RBL2: variants seen among roughly 807,000 people sequenced by gnomAD.
RBL2 encodes the protein RB transcriptional corepressor like 2, also known as retinoblastoma-like protein 2.
In RBL2, 56 loss-of-function variants were observed where a neutral mutation model predicts 126.0. The observed-to-expected ratio is 0.44, with a 90% CI of 0.36 to 0.56. RBL2 has a LOEUF of 0.56. Among genes scored for constraint, RBL2 ranks in the 20% least tolerant of loss-of-function variants. The pLI is 0.00. For missense variants in RBL2, 1,229 were observed against 1,398.2 expected (o/e 0.88, Z 1.93); for synonymous variants, 454 against 478.5 (o/e 0.95, Z 0.67).
At chr16:53,440,169 G>T (rs976693795) in intron 2 of RBL2, among the ~76,000 whole-genome samples, 1 of 151,804 alleles carries the variant, frequency 6.6e-6, no homozygotes, top group Non-Finnish European at 1.5e-5. Context: ...GGTGACATGC[G>T]CCTGTAATCT....
chr16:53,469,282 T>C (rs972968245), intron 14 of RBL2, among the ~76,000 whole-genome samples: 2 of 152,188 alleles, frequency 1.3e-5, no homozygotes, highest in Non-Finnish European at 2.9e-5. Flanking sequence ...ATTGTATAAT[T>C]TAAGTAGATG....
At chr16:53,480,280 C>T (rs563516991) in intron 19 of RBL2, 2 of 517,856 alleles carry the variant, frequency 3.9e-6, no homozygotes, top group East Asian at 3.3e-5. Flanking sequence ...ATGGAAATAC[C>T]ATCCCCTGCC....
At chr16:53,450,059 T>C (rs1423970719) in intron 4 of RBL2, among the ~76,000 whole-genome samples, 3 of 151,200 alleles carry the variant, frequency 2.0e-5, no homozygotes, top group Non-Finnish European at 4.4e-5. Flanking sequence ...CAGTAGGTGC[T>C]ACTTACTTCC....
chr16:53,467,037 T>G, intron 13 of RBL2, 21 bp from the exon 14 acceptor site: 7 of 1,572,600 alleles, frequency 4.5e-6, no homozygotes, highest in Non-Finnish European at 6.1e-6. Context: ...ACTGGCATTC[T>G]GTGTAACCAA....
Position 53,479,167 on chromosome 16 carries a change from A to G in RBL2, c.2717A>G (p.Asp906Gly). The G allele has an allele frequency of 1.9e-6, 3 of 1,613,826 alleles. No individual in the cohort carries two copies. The highest frequency in any genetic ancestry group is 2.5e-6 in the Non-Finnish European group (3 of 1,179,702). ...ATTGTTTGCCAGGTCACAAAAGAAG[A>G]TAAGTCCTTCCAGAACATTATGCGT... Reference protein sequence around the residue: ...IYVMAKVTKEDKSFQNIMRCY... With the variant: ...IYVMAKVTKEGKSFQNIMRCY... The change falls in exon 18 of 22, where the codon GAT (aspartate) becomes GGT (glycine). Residue 906 changes from aspartate to glycine, a missense_variant. By Grantham distance (94) the Asp-to-Gly change is moderately conservative. This residue lies in a region of RBL2 where 1,070 missense variants were observed against 1,274.3 expected (regional missense o/e 0.84). Coordinates refer to ENST00000262133, the MANE Select transcript of RBL2 (RefSeq NM_005611.4).
At chr16:53,470,960 C>T in intron 17 of RBL2, 38 bp downstream of exon 17, 3 of 1,560,854 alleles carry the variant, frequency 1.9e-6, no homozygotes, top group Non-Finnish European at 2.6e-6. Flanking sequence ...AAAGATAGGT[C>T]TTCATTACTG....
rs907666584 is a variant in RBL2, at chr16:53,481,682, T to C, written c.3096T>C (p.Pro1032=). 4 of 1,609,724 alleles carry C rather than the reference T, an allele frequency of 2.5e-6. No individual in the cohort carries two copies. The change falls in exon 21 of 22, where the codon CCT becomes CCC. Residue 1032 remains proline, a synonymous_variant. Transcript: ENST00000262133. ...MKYSQANMDA[P]PLSPYPFVRT... ...TTTTTTTTAAACAGATGGATGCTCC[T>C]CCACTCTCTCCCTATCCATTTGTAA...
rs2058315095 is a variant in RBL2, at chr16:53,470,759, C to T, written c.2540C>T (p.Ala847Val). The change falls in exon 17 of 22, where the codon GCA becomes GTA. Residue 847 changes from alanine (A) to valine (V), a missense_variant. Transcript: ENST00000262133. Reference sequence around the variant, plus strand: ...TTTATCTCCTAGGTATACCATTTAGCAGCTGTCCGCCTTCGGGATCTCTGT... The same window carrying T: ...TTTATCTCCTAGGTATACCATTTAGTAGCTGTCCGCCTTCGGGATCTCTGT... ...SLFFRKVYHL[A>V]AVRLRDLCAK... 1 of 1,613,842 alleles carries T rather than the reference C, an allele frequency of 6.2e-7. No homozygotes were observed. The highest frequency in any genetic ancestry group is 1.7e-5 in the Admixed American group (1 of 59,992).
At chr16:53,471,481 T>C (rs2058322970) in intron 17 of RBL2, among the ~76,000 whole-genome samples, 1 of 152,204 alleles carries the variant, frequency 6.6e-6, no homozygotes, top group Non-Finnish European at 1.5e-5. Context: ...TTTTCTTTTT[T>C]TTTTTGAGAT....
intron 17 of RBL2, among the ~76,000 whole-genome samples, chr16:53,478,273 C>T (rs1269105621): frequency 6.6e-6 from 1 of 152,080 alleles, no homozygotes; most frequent in East Asian, 1.9e-4. Flanking sequence ...CTTTCTTTGG[C>T]TTTGAACATT....
chr16:53,455,399 C>T (rs1298861349), intron 8 of RBL2, among the ~76,000 whole-genome samples: 1 of 152,206 alleles, frequency 6.6e-6, no homozygotes, highest in Non-Finnish European at 1.5e-5. Context: ...GGCCAGTTCA[C>T]CTGGAAGTGA....
chr16:53,459,573 A>G lies in RBL2; in HGVS notation c.1302A>G (p.Thr434=). 1 of 1,596,974 alleles carries G rather than the reference A, an allele frequency of 6.3e-7. No homozygotes were observed. Reference sequence around the variant, plus strand: ...TGAGTCGTCTTCACACCATGCTGACAGGCCTCAGGAATGCACCAAGTGAGA... The same window carrying G: ...TGAGTCGTCTTCACACCATGCTGACGGGCCTCAGGAATGCACCAAGTGAGA... ...HSLSRLHTML[T]GLRNAPSEKL... Residue 434 remains threonine, a synonymous_variant, in exon 9 of 22, where the codon ACA becomes ACG. Transcript: ENST00000262133.
chr16:53,452,565 T>G (rs998916072), intron 5 of RBL2, among the ~76,000 whole-genome samples: 3 of 152,172 alleles, frequency 2.0e-5, no homozygotes, highest in Non-Finnish European at 4.4e-5. Context: ...TTAATGTTCC[T>G]CATATTCTTT....
chr16:53,451,966 A>C, intron 5 of RBL2, 135 bp downstream of exon 5: 1 of 981,252 alleles, frequency 1.0e-6, no homozygotes, highest in African/African-American at 1.6e-5. Context: ...ACTTATAACT[A>C]AGAGTCAAGC....
At chr16:53,490,047 T>G in intron 21 of RBL2, 83 bp from the exon 22 acceptor site, 1 of 1,122,412 alleles carries the variant, frequency 8.9e-7, no homozygotes, top group Non-Finnish European at 1.2e-6. Context: ...GGTAAACTGC[T>G]TAACTCATTT....
intron 3 of RBL2, chr16:53,445,717 T>C (rs1598092009): frequency 6.6e-6 from 1 of 152,226 alleles, no homozygotes; most frequent in Admixed American, 6.5e-5. Flanking sequence ...CAGGAAATAC[T>C]GTTAGGTATT....
At chr16:53,461,263 CA>C (rs1476421529) in intron 9 of RBL2, among the ~76,000 whole-genome samples, 1 of 152,172 alleles carries the variant, frequency 6.6e-6, no homozygotes, top group Non-Finnish European at 1.5e-5. Context: ...GAGCCTGAGG[CA>C]AGTGGATCAC....
At chr16:53,454,940 A>G (rs899475470) in intron 8 of RBL2, 98 bp downstream of exon 8, 82 of 1,084,578 alleles carry the variant, frequency 7.6e-5, no homozygotes, top group Non-Finnish European at 1.0e-4. Flanking sequence ...TTACTTGCCT[A>G]CAGTATGAAG....
intron 4 of RBL2, among the ~76,000 whole-genome samples, chr16:53,449,748 CAAAT>C (rs370879409): frequency 4.1e-4 from 62 of 152,122 alleles, no homozygotes; most frequent in East Asian, 1.7e-3. Flanking sequence ...TTTCTAATGA[CAAAT>C]AAGCCAACTC....
Sources: gnomAD v4.1 joint callset for allele counts (sites outside exome capture counted in the v4.1 genomes callset) on GRCh38, gnomAD v4.1.1 for gene constraint, gnomAD v4.1.1 regional missense constraint, MANE v1.5 for transcripts, NCBI Gene and HGNC (gene_info 2026-07-23, HGNC 2026-07-21) for gene names.